Variants in GAS2 observed in about 807,000 individuals in gnomAD.
The protein encoded by GAS2 is growth arrest specific 2.
Under a neutral mutation model 37.5 loss-of-function variants are expected in GAS2, and 20 were observed. That is an observed-to-expected ratio of 0.53 (90% CI 0.37 to 0.77). The LOEUF is 0.77. Among genes scored for constraint, GAS2 ranks in the 30% least tolerant of loss-of-function variants. The probability of loss-of-function intolerance (pLI) is 0.00; values close to 1 mark genes in which losing one functional copy is unlikely to be tolerated. For missense variants in GAS2, 336 were observed against 373.4 expected (o/e 0.90, Z 0.82); for synonymous variants, 144 against 132.2 (o/e 1.09, Z -0.61).
chr11:22,629,658 GT>G (rs975397916), intron 1 of GAS2, among the ~76,000 whole-genome samples: 5 of 150,676 alleles, frequency 3.3e-5, no homozygotes, highest in Admixed American at 2.0e-4. Context: ...GGGATTATTG[GT>G]TTTTTTTTCT....
rs1476261928 is a variant in GAS2 at position 22,745,163 on chromosome 11, AT to A, written c.474-3955del. Among the ~76,000 whole-genome samples the A allele has an allele frequency of 2.0e-5, 3 of 151,936 alleles. No individual in the cohort carries two copies. The East Asian group carries it at 5.8e-4, about 29-fold the overall frequency. ...GAAAAAAGCCCAAATAGCAAAAGCA[AT>A]TCTAAGCAAAAAGAACAAGCCAGAA... On this transcript the variant is annotated intron_variant, in intron 5 of 7. Transcript: ENST00000454584.
chr11:22,665,892 C>T (rs1350925820), upstream of GAS2, among the ~76,000 whole-genome samples: 2 of 152,178 alleles, frequency 1.3e-5, no homozygotes, highest in Non-Finnish European at 2.9e-5. Context: ...GATCACAATA[C>T]CTGTACCACT....
At chr11:22,743,685 A>C (rs1853219072) in intron 5 of GAS2, among the ~76,000 whole-genome samples, 1 of 152,030 alleles carries the variant, frequency 6.6e-6, no homozygotes, top group Non-Finnish European at 1.5e-5. Flanking sequence ...TGGAAAATAG[A>C]CTCATCGAAG....
At chr11:22,674,246 T>A (rs1849322593) in intron 1 of GAS2, among the ~76,000 whole-genome samples, 1 of 152,110 alleles carries the variant, frequency 6.6e-6, no homozygotes, top group South Asian at 2.1e-4. Context: ...TTTTTTGGTT[T>A]CTTTGACTGC....
chr11:22,755,601 C>A lies in GAS2; in HGVS notation c.616-245C>A, dbSNP rs190477020. On this transcript the variant is annotated intron_variant, in intron 6 of 7. Coordinates refer to ENST00000454584, the MANE Select transcript of GAS2 (RefSeq NM_001143830.3). ...TTCAGTTGGTTTCCTGCTCATTATCCTCCAGCATCATCACTGTCATTAGCT... is the reference window on the plus strand; with the variant it reads ...TTCAGTTGGTTTCCTGCTCATTATCATCCAGCATCATCACTGTCATTAGCT... The A allele has an allele frequency of 1.4e-3, 493 of 343,780 alleles. 3 individuals carry two copies. Among genetic ancestry groups the A allele is most frequent in the African/African-American group, 9.6e-3 (458 of 47,568 alleles). 21.3% of individuals were successfully genotyped at this position (343,780 alleles called of 1,614,324 possible).
At position 22,674,955 on chromosome 11, in the gene GAS2, A is replaced by G. The variant is rs375761095; in HGVS notation, c.86A>G (p.His29Arg). The stretch of plus-strand genomic sequence containing the variant: ...TATAGCCAATGGCTAGCCAGCAGAC[A>G]TGAAGCTAATTTGCTACCAATGAAA... ...HQYSQWLASR[H>R]EANLLPMKED... The change falls in exon 2 of 8, where the codon CAT (histidine) becomes CGT (arginine). Residue 29 changes from histidine (H) to arginine (R), a missense_variant. Coordinates refer to ENST00000454584, the MANE Select transcript of GAS2 (RefSeq NM_001143830.3). The G allele has an allele frequency of 9.9e-6, 16 of 1,613,994 alleles. No homozygotes were observed. The highest frequency in any genetic ancestry group is 4.0e-5 in the African/African-American group (3 of 75,058).
chr11:22,779,571 A>T (rs1028479205), intron 7 of GAS2, among the ~76,000 whole-genome samples: 2 of 152,024 alleles, frequency 1.3e-5, no homozygotes, highest in East Asian at 1.9e-4. Flanking sequence ...GGTGGCATGC[A>T]CCTGTAATCC....
chr11:22,650,134 T>G (rs1848755972), intron 1 of GAS2, among the ~76,000 whole-genome samples: 1 of 152,102 alleles, frequency 6.6e-6, no homozygotes, highest in Admixed American at 6.6e-5. Context: ...TTCTCGTTGG[T>G]TTCAAAGAAC....
intron 3 of GAS2, among the ~76,000 whole-genome samples, chr11:22,697,097 A>T (rs1850565080): frequency 6.6e-6 from 1 of 152,170 alleles, no homozygotes; most frequent in Non-Finnish European, 1.5e-5. Flanking sequence ...TAAGTCTTTA[A>T]TCCATCTTGA....
In GAS2 at chr11:22,802,455, T is replaced by TA. The variant is rs34312956; in HGVS notation, c.724-9329dup. Among the ~76,000 whole-genome samples the TA allele has an allele frequency of 2.2e-3, 319 of 143,506 alleles. 1 individual carries two copies. The highest frequency in any genetic ancestry group is 0.011 in the Middle Eastern group (3 of 278). The allele number at this position is 143,506 out of a possible 152,430, so 94.1% of individuals were successfully genotyped here. On this transcript the variant is annotated intron_variant, in intron 7 of 7. Coordinates refer to ENST00000454584, the MANE Select transcript of GAS2 (RefSeq NM_001143830.3). ...ACATGTACCCTAGAACTTAAAGTATTAAAAAAAAAAAAAACCCAAGCTGAG... is the reference window on the plus strand; with the variant it reads ...ACATGTACCCTAGAACTTAAAGTATTAAAAAAAAAAAAAAACCCAAGCTGAG...
intron 4 of GAS2, among the ~76,000 whole-genome samples, chr11:22,732,297 T>A (rs2134196515): frequency 6.6e-6 from 1 of 151,836 alleles, no homozygotes; most frequent in East Asian, 1.9e-4. Context: ...AGCGCTCTTT[T>A]TTCCAGGATA....
intron 1 of GAS2, among the ~76,000 whole-genome samples, chr11:22,648,318 T>A (rs959101761): frequency 1.3e-5 from 2 of 152,156 alleles, no homozygotes; most frequent in Admixed American, 6.5e-5. Flanking sequence ...GCTGTTTTGG[T>A]TATTGTAGCC....
chr11:22,658,761 A>G (rs1365981442), intron 1 of GAS2, among the ~76,000 whole-genome samples: 1 of 152,012 alleles, frequency 6.6e-6, no homozygotes, highest in Non-Finnish European at 1.5e-5. Context: ...GAAAAGAGAA[A>G]AGAATAACCA....
intron 7 of GAS2, among the ~76,000 whole-genome samples, chr11:22,767,673 G>A (rs984155206): frequency 4.4e-4 from 67 of 152,232 alleles, no homozygotes; most frequent in African/African-American, 1.3e-3. Flanking sequence ...CATATAAATT[G>A]TCTATAGTTC....
chr11:22,727,739 TA>T (rs1211796319), intron 4 of GAS2, among the ~76,000 whole-genome samples: 1 of 151,968 alleles, frequency 6.6e-6, no homozygotes, highest in Admixed American at 6.6e-5. Flanking sequence ...CATATCAAAG[TA>T]AAAAAATTTG....
chr11:22,706,126 G>A (rs77955414), intron 3 of GAS2, among the ~76,000 whole-genome samples: 270 of 152,230 alleles, frequency 1.8e-3, no homozygotes, highest in Non-Finnish European at 3.4e-3. Flanking sequence ...ATAACAATAT[G>A]CCATTGAACT....
At chr11:22,744,785 C>T (rs12221518) in intron 5 of GAS2, among the ~76,000 whole-genome samples, 2 of 152,002 alleles carry the variant, frequency 1.3e-5, no homozygotes, top group Non-Finnish European at 2.9e-5. Context: ...TCCTATTCAA[C>T]GTGGTACTGG....
rs972441010 is a variant in GAS2, at chr11:22,658,084, G to A, written c.-20-16766G>A. On this transcript the variant is annotated intron_variant, in intron 1 of 5. Coordinates refer to the GAS2 transcript ENST00000528582. ...TCTGTCACCCAGCCTGGAGTGCAGT[G>A]ACACGATCTCAGCTCACTGCAACCT... Among the ~76,000 whole-genome samples the A allele has an allele frequency of 4.0e-5, 6 of 150,486 alleles. No homozygotes were observed. The East Asian group carries it at 1.2e-3, about 30-fold the overall frequency.
intron 2 of GAS2, among the ~76,000 whole-genome samples, chr11:22,683,476 AG>A (rs767338536): frequency 6.6e-6 from 1 of 152,024 alleles, no homozygotes; most frequent in Non-Finnish European, 1.5e-5. Flanking sequence ...AAGTTAGCCA[AG>A]TTGGTCTTGA....
Sources: allele counts gnomAD v4.1 joint callset (sites outside exome capture counted in the v4.1 genomes callset), GRCh38; gene constraint gnomAD v4.1.1; transcripts MANE v1.5; gene names NCBI Gene and HGNC (gene_info 2026-07-23, HGNC 2026-07-21).